ROCK1: variants seen among roughly 807,000 people sequenced by gnomAD.
The protein encoded by ROCK1 is rho-associated protein kinase 1.
A neutral mutation model predicts 196.8 loss-of-function variants in ROCK1; 36 were observed. The observed-to-expected ratio is 0.18, with a 90% CI of 0.14 to 0.24. ROCK1 has a LOEUF of 0.24. ROCK1 is among the 10% of genes least tolerant of loss of function. The probability of loss-of-function intolerance (pLI) is 1.00; values close to 1 mark genes in which losing one functional copy is unlikely to be tolerated. For missense variants in ROCK1, 920 were observed against 1,562.0 expected (o/e 0.59, Z 6.93); for synonymous variants, 443 against 515.9 (o/e 0.86, Z 1.91).
chr18:21,072,899 C>T (rs772146311), intron 1 of ROCK1, among the ~76,000 whole-genome samples: 2 of 151,596 alleles, frequency 1.3e-5, no homozygotes, highest in African/African-American at 2.4e-5. Context: ...GGTGAAACCC[C>T]ATCTCTACTA....
intron 3 of ROCK1, among the ~76,000 whole-genome samples, chr18:21,049,482 T>C (rs2036187443): frequency 1.3e-5 from 2 of 152,236 alleles, no homozygotes; most frequent in African/African-American, 4.8e-5. Flanking sequence ...CACACGGCTA[T>C]GTAAGCTGCT....
chr18:21,108,257 A>G (rs1469856506), intron 1 of ROCK1, among the ~76,000 whole-genome samples: 1 of 152,218 alleles, frequency 6.6e-6, no homozygotes, highest in Non-Finnish European at 1.5e-5. Flanking sequence ...GTTGGGCTCC[A>G]TGATACCTGG....
rs1475900840 is a variant in ROCK1, at chr18:21,039,566, G to A, written c.960-3C>T. On this transcript the variant is annotated splice_polypyrimidine_tract_variant and splice_region_variant and intron_variant, in intron 8 of 32. Transcript: ENST00000399799. ...CATTTCGCCCTAACCTCACTTCCCT[G>A]AATAATGACAGAAGGAGAAAAGTAA... 1 of 1,599,976 alleles carries A rather than the reference G, an allele frequency of 6.3e-7. No homozygotes were observed. Among genetic ancestry groups the A allele is most frequent in the South Asian group, 1.1e-5 (1 of 90,710 alleles).
chr18:21,061,274 T>G (rs1019048227), intron 2 of ROCK1, among the ~76,000 whole-genome samples: 1 of 152,078 alleles, frequency 6.6e-6, no homozygotes, highest in Non-Finnish European at 1.5e-5. Context: ...CAGACGGGGT[T>G]TTGTCATGTT....
chr18:20,959,143 A>G (rs1171610883), intron 29 of ROCK1, among the ~76,000 whole-genome samples: 1 of 67,254 alleles, frequency 1.5e-5, no homozygotes, highest in South Asian at 3.0e-4. Context: ...TATATATTAT[A>G]TAAAATATAT....
intron 11 of ROCK1, 136 bp downstream of exon 11, chr18:21,023,484 T>C (rs1235048451): frequency 6.7e-6 from 3 of 447,508 alleles, no homozygotes; most frequent in South Asian, 1.1e-4. Flanking sequence ...AGATGGGAGA[T>C]GAAAGTGCCA....
chr18:20,980,363 C>A (rs2035519336), intron 21 of ROCK1, among the ~76,000 whole-genome samples: 3 of 152,042 alleles, frequency 2.0e-5, no homozygotes, highest in Admixed American at 2.0e-4. Flanking sequence ...GTGAAAGAAA[C>A]CACGTGTTAA....
chr18:21,027,030 C>G (rs568080304), intron 10 of ROCK1, among the ~76,000 whole-genome samples: 2 of 151,822 alleles, frequency 1.3e-5, no homozygotes, highest in African/African-American at 2.4e-5. Context: ...CCTCCGCCCC[C>G]CAGGTTGAAG....
intron 1 of ROCK1, among the ~76,000 whole-genome samples, chr18:21,072,489 T>A (rs2036394204): frequency 6.6e-6 from 1 of 152,184 alleles, no homozygotes; most frequent in African/African-American, 2.4e-5. Context: ...GCAAGGAATG[T>A]GTATGTCCAA....
intron 1 of ROCK1, among the ~76,000 whole-genome samples, chr18:21,107,355 ATTTC>A (rs1192915001): frequency 2.0e-5 from 3 of 152,048 alleles, no homozygotes; most frequent in African/African-American, 7.2e-5. Flanking sequence ...GGAAGTTTCC[ATTTC>A]TAAGCATGAA....
chr18:20,975,093 G>C (rs2035467242), intron 22 of ROCK1, among the ~76,000 whole-genome samples: 1 of 152,198 alleles, frequency 6.6e-6, no homozygotes, highest in South Asian at 2.1e-4. Context: ...CTACCATAGA[G>C]CTTTGTTTCT....
intron 1 of ROCK1, among the ~76,000 whole-genome samples, chr18:21,102,014 G>A (rs1057271031): frequency 1.3e-5 from 2 of 152,034 alleles, no homozygotes; most frequent in African/African-American, 4.8e-5. Flanking sequence ...CAAAATCTGA[G>A]TAACAGGAGT....
At chr18:21,028,679 C>A in intron 10 of ROCK1, 97 bp downstream of exon 10, 1 of 1,072,468 alleles carries the variant, frequency 9.3e-7, no homozygotes, top group Non-Finnish European at 1.3e-6. Context: ...TAAGGTGTAT[C>A]TTTATATAGC....
At chr18:21,024,255 C>T (rs2035938253) in intron 10 of ROCK1, among the ~76,000 whole-genome samples, 1 of 152,142 alleles carries the variant, frequency 6.6e-6, no homozygotes, top group Non-Finnish European at 1.5e-5. Flanking sequence ...TCTTTTGGGA[C>T]TCCCAGCCTT....
chr18:21,078,201 C>A (rs532965797), intron 1 of ROCK1, among the ~76,000 whole-genome samples: 1 of 152,082 alleles, frequency 6.6e-6, no homozygotes, highest in East Asian at 1.9e-4. Context: ...TGGTGGCGTG[C>A]GCCTGTGGTC....
At chr18:20,980,434 T>C (rs2035520116) in intron 21 of ROCK1, among the ~76,000 whole-genome samples, 1 of 152,016 alleles carries the variant, frequency 6.6e-6, no homozygotes, top group African/African-American at 2.4e-5. Flanking sequence ...TAATCAATAA[T>C]CATGGAAAAA....
At chr18:21,089,473 A>G (rs2036552952) in intron 1 of ROCK1, among the ~76,000 whole-genome samples, 1 of 152,230 alleles carries the variant, frequency 6.6e-6, no homozygotes, top group African/African-American at 2.4e-5. Context: ...CCTGCATTCA[A>G]TCTATGACAA....
At position 20,948,789 on chromosome 18, in the gene ROCK1, G is replaced by A. The variant is rs548646033; in HGVS notation, c.*2595C>T. The A allele has an allele frequency of 1.3e-5, 2 of 152,396 alleles. No individual in the cohort carries two copies. Among genetic ancestry groups the A allele is most frequent in the Admixed American group, 6.5e-5 (1 of 15,302 alleles). The allele number at this position is 152,396 out of a possible 1,614,324, so 9.4% of individuals were successfully genotyped here. On this transcript the variant is annotated 3_prime_UTR_variant, in exon 33 of 33. Coordinates refer to ENST00000399799, the MANE Select transcript of ROCK1 (RefSeq NM_005406.3). ...CACGTAGATGCACCTAGAGAAGGCA[G>A]ACGTGAGATGCAGGCTGTGCTAAAT...
chr18:20,950,255 T>TAG lies in ROCK1; in HGVS notation c.*1128_*1129insCT, dbSNP rs1400894886. On this transcript the variant is annotated 3_prime_UTR_variant, in exon 33 of 33. Transcript: ENST00000399799. The stretch of plus-strand genomic sequence containing the variant: ...GCAACCTTCTACATTTTTTGCAGTT[T>TAG]TATAAAGTCATTATTGTAGCAGGTA... 1 of 152,358 alleles carries TAG rather than the reference T, an allele frequency of 6.6e-6. No individual in the cohort carries two copies. Among genetic ancestry groups the TAG allele is most frequent in the Non-Finnish European group, 1.5e-5 (1 of 68,044 alleles). 9.4% of individuals were successfully genotyped at this position (152,358 alleles called of 1,614,324 possible). A position where few individuals can be genotyped will look rare whatever the true frequency, so the allele number is the denominator to read the frequency against.
Sources: gnomAD v4.1 joint callset for allele counts (sites outside exome capture counted in the v4.1 genomes callset) on GRCh38, gnomAD v4.1.1 for gene constraint, MANE v1.5 for transcripts, NCBI Gene and HGNC (gene_info 2026-07-23, HGNC 2026-07-21) for gene names.